Variants in FHOD3 observed in about 807,000 individuals in gnomAD.
The protein encoded by FHOD3 is formin homology 2 domain containing 3, also known as FH1/FH2 domain-containing protein 3.
In FHOD3, 90 loss-of-function variants were observed where a neutral mutation model predicts 173.0. The observed-to-expected ratio is 0.52, with a 90% CI of 0.44 to 0.62. FHOD3 has a LOEUF of 0.62. FHOD3 is among the 20% of genes least tolerant of loss of function. The pLI, the probability that FHOD3 is intolerant of heterozygous loss-of-function variation, is 0.00. For missense variants in FHOD3, 1,945 were observed against 2,034.7 expected, an observed-to-expected ratio of 0.96 and a Z score of 0.85; for synonymous variants, 828 against 823.0, an observed-to-expected ratio of 1.01 and a Z score of -0.10.
chr18:36,726,359 G>T (rs2041069876), intron 19 of FHOD3, among the ~76,000 whole-genome samples: 1 of 152,042 alleles, frequency 6.6e-6, no homozygotes, highest in Non-Finnish European at 1.5e-5. Flanking sequence ...GGGTATTTTT[G>T]GGGGTTGTCT....
At chr18:36,565,549 A>G (rs1387517846) in intron 5 of FHOD3, among the ~76,000 whole-genome samples, 1 of 152,194 alleles carries the variant, frequency 6.6e-6, no homozygotes, top group African/African-American at 2.4e-5. Flanking sequence ...CCAAAACAAA[A>G]TAAAACCTAG....
chr18:36,521,194 G>A (rs1230736359), intron 5 of FHOD3, among the ~76,000 whole-genome samples: 1 of 152,130 alleles, frequency 6.6e-6, no homozygotes, highest in African/African-American at 2.4e-5. Flanking sequence ...AGGGCTCTTG[G>A]TAGATTGGGC....
chr18:36,765,366 C>T (rs530973732), intron 27 of FHOD3, among the ~76,000 whole-genome samples: 9 of 152,264 alleles, frequency 5.9e-5, no homozygotes, highest in Admixed American at 5.2e-4. Flanking sequence ...AGAGAAAAGA[C>T]TCTCTGGAGG....
chr18:36,551,281 G>C (rs1416339571), intron 5 of FHOD3, among the ~76,000 whole-genome samples: 1 of 151,906 alleles, frequency 6.6e-6, no homozygotes, highest in Admixed American at 6.6e-5. Flanking sequence ...GATTTGGTTG[G>C]CTAAATATTT....
chr18:36,492,514 G>A (rs941978649), intron 3 of FHOD3, among the ~76,000 whole-genome samples: 5 of 152,190 alleles, frequency 3.3e-5, no homozygotes, highest in African/African-American at 2.4e-5. Flanking sequence ...ATAAACCAAC[G>A]GCTGAGACTG....
At chr18:36,648,126 A>G (rs1023435616) in intron 10 of FHOD3, among the ~76,000 whole-genome samples, 5 of 152,050 alleles carry the variant, frequency 3.3e-5, no homozygotes, top group Non-Finnish European at 7.3e-5. Context: ...GCATTGAGAA[A>G]GTAGAGGATG....
At chr18:36,769,219 G>A in intron 27 of FHOD3, 46 bp from the exon 28 acceptor site, 4 of 1,599,220 alleles carry the variant, frequency 2.5e-6, no homozygotes, top group Admixed American at 3.4e-5. Context: ...TATCTTTTGT[G>A]TTTTCCTTCT....
chr18:36,422,356 T>C (rs2050030725), intron 3 of FHOD3, among the ~76,000 whole-genome samples: 1 of 152,226 alleles, frequency 6.6e-6, no homozygotes, highest in Non-Finnish European at 1.5e-5. Context: ...GTTCCATGTA[T>C]ATAGGAATCC....
At chr18:36,722,974 C>T (rs1461516885) in intron 19 of FHOD3, among the ~76,000 whole-genome samples, 3 of 151,920 alleles carry the variant, frequency 2.0e-5, no homozygotes, top group Admixed American at 6.5e-5. Flanking sequence ...TACCTAGAAA[C>T]TCTGAACACA....
intron 10 of FHOD3, among the ~76,000 whole-genome samples, chr18:36,640,519 G>A (rs924788867): frequency 1.3e-5 from 2 of 152,224 alleles, no homozygotes; most frequent in Non-Finnish European, 2.9e-5. Context: ...GAAGGCTGCA[G>A]ACCAAGACTG....
chr18:36,715,830 A>G (rs2149740536), intron 18 of FHOD3, among the ~76,000 whole-genome samples: 1 of 152,326 alleles, frequency 6.6e-6, no homozygotes, highest in South Asian at 2.1e-4. Context: ...CTGAGAAGAT[A>G]TGGTTTGAGT....
chr18:36,396,151 G>A (rs933490108), intron 3 of FHOD3, among the ~76,000 whole-genome samples: 5 of 152,072 alleles, frequency 3.3e-5, no homozygotes, highest in African/African-American at 1.2e-4. Context: ...TATGTCCCTT[G>A]TTATTTTTGC....
chr18:36,565,703 A>G (rs1458003896), intron 5 of FHOD3, among the ~76,000 whole-genome samples: 1 of 152,212 alleles, frequency 6.6e-6, no homozygotes, highest in Non-Finnish European at 1.5e-5. Flanking sequence ...ATGGCAAAAT[A>G]TCTTATTGAA....
In FHOD3 at chr18:36,400,722, G is replaced by C. The variant is rs530296337; in HGVS notation, c.337+27978G>C. On this transcript the variant is annotated intron_variant, in intron 3 of 28. Coordinates refer to ENST00000590592, the MANE Select transcript of FHOD3 (RefSeq NM_001281740.3). ...AGAGCAGGCCTTACCCTGGAACAGGGATGGAGGCTGGGAGCAGAGGTCTAA... is the reference window on the plus strand; with the variant it reads ...AGAGCAGGCCTTACCCTGGAACAGGCATGGAGGCTGGGAGCAGAGGTCTAA... 3.3e-5 allele frequency among the ~76,000 whole-genome samples: 5 copies of C among 152,338 alleles called. No homozygotes were observed. In the South Asian group the frequency reaches 1.0e-3, roughly 32 times the overall value.
intron 3 of FHOD3, among the ~76,000 whole-genome samples, chr18:36,389,965 T>A (rs1314424780): frequency 6.6e-6 from 1 of 152,138 alleles, no homozygotes; most frequent in African/African-American, 2.4e-5. Context: ...AGGCTGCAGA[T>A]GCAAGGCCGG....
At chr18:36,650,339 G>C (rs2035965941) in intron 11 of FHOD3, among the ~76,000 whole-genome samples, 1 of 152,110 alleles carries the variant, frequency 6.6e-6, no homozygotes, top group Non-Finnish European at 1.5e-5. Context: ...AGTGCACACA[G>C]AAGTTCTCAG....
Position 36,355,614 on chromosome 18 carries a change from G to A in FHOD3, c.241G>A (p.Asp81Asn). 1.2e-6 allele frequency: 2 copies of A among 1,614,168 alleles called. No individual in the cohort carries two copies. Among genetic ancestry groups the A allele is most frequent in the Non-Finnish European group, 1.7e-6 (2 of 1,180,012 alleles). The change falls in exon 2 of 29, where the codon GAT becomes AAT. Residue 81 changes from aspartate (D) to asparagine (N), a missense_variant. Asp to Asn is a conservative substitution (Grantham distance 23). Coordinates refer to ENST00000590592, the MANE Select transcript of FHOD3 (RefSeq NM_001281740.3). ...GGAGGCCACCCTGGCAGAGCAGCGGGATGAGTTGGAAGGCTTCCAGGATGA... is the reference window on the plus strand; with the variant it reads ...GGAGGCCACCCTGGCAGAGCAGCGGAATGAGTTGGAAGGCTTCCAGGATGA... ...DLEATLAEQR[D>N]ELEGFQDDAG... is the part of the protein sequence containing the mutation.
intron 3 of FHOD3, among the ~76,000 whole-genome samples, chr18:36,415,272 A>C (rs7228236): frequency 6.6e-6 from 1 of 152,068 alleles, no homozygotes. Flanking sequence ...GCCCATCCTG[A>C]ATGTTTGTTC....
chr18:36,629,982 C>T (rs1283738276), intron 10 of FHOD3, among the ~76,000 whole-genome samples: 2 of 151,960 alleles, frequency 1.3e-5, no homozygotes, highest in Non-Finnish European at 2.9e-5. Context: ...TGCAGGATAG[C>T]CCCCTGCCAA....
Sources: gnomAD v4.1 joint callset for allele counts (sites outside exome capture counted in the v4.1 genomes callset) on GRCh38, gnomAD v4.1.1 for gene constraint, MANE v1.5 for transcripts, NCBI Gene and HGNC (gene_info 2026-07-23, HGNC 2026-07-21) for gene names.